The following GMNC variants were observed in gnomAD, a reference collection of about 807,000 sequenced individuals.
GMNC encodes the protein geminin coiled-coil domain containing, also known as geminin coiled-coil domain-containing protein 1.
A neutral mutation model predicts 33.6 loss-of-function variants in GMNC; 16 were observed. The ratio of observed to expected loss-of-function variants is 0.48; its 90% confidence interval spans 0.32 to 0.72. The LOEUF (loss-of-function observed/expected upper bound fraction) is 0.72. GMNC is among the 30% of genes least tolerant of loss of function. The pLI, the probability that GMNC is intolerant of heterozygous loss-of-function variation, is 0.03. For synonymous variants in GMNC, 156 were observed against 147.3 expected (o/e 1.06, Z -0.43); for missense variants, 393 against 388.9 (o/e 1.01, Z -0.09).
chr3:190,860,636 T>A (rs1471339667), intron 2 of GMNC, 48 bp downstream of exon 2: 2 of 1,488,034 alleles, frequency 1.3e-6, no homozygotes, highest in Admixed American at 4.2e-5. Context: ...GCCACGGGTA[T>A]GGAAAAGAGC....
chr3:190,860,635 A>G, intron 2 of GMNC, 49 bp downstream of exon 2: 2 of 1,479,690 alleles, frequency 1.4e-6, no homozygotes, highest in South Asian at 1.3e-5. Context: ...AGCCACGGGT[A>G]TGGAAAAGAG....
downstream of GMNC, among the ~76,000 whole-genome samples, chr3:190,849,068 C>A (rs553696104): frequency 6.6e-6 from 1 of 152,298 alleles, no homozygotes; most frequent in South Asian, 2.1e-4. Context: ...TTTTTACTCT[C>A]GTCGTTAACA....
downstream of GMNC, among the ~76,000 whole-genome samples, chr3:190,849,199 T>C (rs1560034435): frequency 6.6e-6 from 1 of 152,180 alleles, no homozygotes; most frequent in South Asian, 2.1e-4. Context: ...GGACTAGTCA[T>C]GGTTCTGAAA....
rs941332813 is a variant in GMNC at position 190,860,784 on chromosome 3, C to G, written c.78G>C (p.Thr26=). 1.9e-6 allele frequency: 3 copies of G among 1,551,326 alleles called. No homozygotes were observed. Among genetic ancestry groups the G allele is most frequent in the Non-Finnish European group, 2.6e-6 (3 of 1,146,838 alleles). ...QSYNCPYSTT[T]SESSVDVSTE... Reference sequence around the variant, plus strand: ...TGGAAACGTCAACACTAGATTCTGACGTTGTAGTGGAATACGGGCAATTAT... The same window carrying G: ...TGGAAACGTCAACACTAGATTCTGAGGTTGTAGTGGAATACGGGCAATTAT... Residue 26 remains threonine (T), a synonymous_variant, in exon 2 of 5, where the codon ACG becomes ACC. Transcript: ENST00000442080.
chr3:190,858,116 C>G, intron 3 of GMNC: 1 of 540,614 alleles, frequency 1.8e-6, no homozygotes. Context: ...CATTGCAAAG[C>G]ATTTGGAGAG....
downstream of GMNC, among the ~76,000 whole-genome samples, chr3:190,849,169 A>G (rs1311524175): frequency 6.6e-6 from 1 of 152,162 alleles, no homozygotes; most frequent in African/African-American, 2.4e-5. Context: ...TGGAGGGAGG[A>G]CAACAGGATT....
At chr3:190,858,875 G>T in intron 3 of GMNC, 53 bp downstream of exon 3, 1 of 1,030,458 alleles carries the variant, frequency 9.7e-7, no homozygotes, top group Non-Finnish European at 1.4e-6. Context: ...ATTAGCAGTG[G>T]GGAATGGACC....
downstream of GMNC, among the ~76,000 whole-genome samples, chr3:190,849,262 A>G (rs545141827): frequency 2.5e-3 from 384 of 152,300 alleles, 5 homozygotes; most frequent in African/African-American, 8.8e-3. Context: ...TAATTCCCCA[A>G]GGAGGCTGAG....
rs34049167 is a variant in GMNC, at chr3:190,856,366, TA to T, written c.385-452del. Among the ~76,000 whole-genome samples, 1,100 of 142,266 alleles carry T rather than the reference TA, an allele frequency of 7.7e-3. 24 individuals are homozygous for T. Among genetic ancestry groups the T allele is most frequent in the Middle Eastern group, 0.041 (11 of 268 alleles). 93.3% of individuals were successfully genotyped at this position (142,266 alleles called of 152,430 possible). Reference sequence around the variant, plus strand: ...ATATTTATTAATATATATTTATAAATATTTAGAAATAGATATATTTATAAAT... The same window carrying T: ...ATATTTATTAATATATATTTATAAATTTTAGAAATAGATATATTTATAAAT... On this transcript the variant is annotated intron_variant, in intron 4 of 4. Transcript: ENST00000442080.
At chr3:190,844,520 G>T in the GMNC span, among the ~76,000 whole-genome samples, 1 of 148,498 alleles carries the variant, frequency 6.7e-6, no homozygotes, top group Non-Finnish European at 1.5e-5. Flanking sequence ...AGAATACAAT[G>T]TTATCAAGGA....
At position 190,861,464 on chromosome 3, in the gene GMNC, A is replaced by ATCTATCTC. The variant is rs954096337; in HGVS notation, c.4-607_4-606insGAGATAGA. Among the ~76,000 whole-genome samples, 1 of 124,084 alleles carries ATCTATCTC rather than the reference A, an allele frequency of 8.1e-6. No homozygotes were observed. The highest frequency in any genetic ancestry group is 1.7e-5 in the Non-Finnish European group (1 of 57,480). 81.4% of individuals were successfully genotyped at this position (124,084 alleles called of 152,430 possible). ...CTGTCTGTCTGCCTATCATCTATCT[A>ATCTATCTC]TCTATCTATCTATCTATCTATCTAT... On this transcript the variant is annotated intron_variant, in intron 1 of 4. Coordinates refer to ENST00000442080, the MANE Select transcript of GMNC (RefSeq NM_001146686.3). The surrounding 1 kb of genome is among the most constrained non-coding windows in gnomAD (Gnocchi z 5.1).
chr3:190,858,098 T>C (rs1215374440), intron 3 of GMNC, 199 bp from the exon 4 acceptor site: 4 of 562,002 alleles, frequency 7.1e-6, no homozygotes, highest in Non-Finnish European at 1.3e-5. Flanking sequence ...GTGCTCTGAA[T>C]GTTCATTCAT....
At chr3:190,856,903 A>G (rs896954045) in intron 4 of GMNC, among the ~76,000 whole-genome samples, 1 of 151,774 alleles carries the variant, frequency 6.6e-6, no homozygotes, top group Admixed American at 6.6e-5. Context: ...GAGCCCAGGA[A>G]AATAGCCTGG....
At chr3:190,855,964 T>C (rs1392632464) in intron 4 of GMNC, 49 bp from the exon 5 acceptor site, 1 of 1,363,554 alleles carries the variant, frequency 7.3e-7, no homozygotes, top group Non-Finnish European at 9.9e-7. Context: ...TATTTACTAG[T>C]TAACTAAATT....
chr3:190,859,358 A>G (rs1737813981), intron 2 of GMNC, among the ~76,000 whole-genome samples: 1 of 152,128 alleles, frequency 6.6e-6, no homozygotes, highest in Non-Finnish European at 1.5e-5. Context: ...ATCTCCCCCA[A>G]ACTCGGCATA....
chr3:190,861,153 C>T lies in GMNC; in HGVS notation c.4-295G>A, dbSNP rs1330409786. On this transcript the variant is annotated intron_variant, in intron 1 of 4. Coordinates refer to ENST00000442080, the MANE Select transcript of GMNC (RefSeq NM_001146686.3). This position sits in a 1 kb window ranked among gnomAD's most constrained non-coding sequence, Gnocchi z 5.1. Reference sequence around the variant, plus strand: ...ACATATCCAGGAGGATTGTCTGTTGCAACGACCAGCCCATCTAATAGTCTA... The same window carrying T: ...ACATATCCAGGAGGATTGTCTGTTGTAACGACCAGCCCATCTAATAGTCTA... Among the ~76,000 whole-genome samples, 1 of 152,118 alleles carries T rather than the reference C, an allele frequency of 6.6e-6. No individual in the cohort carries two copies. Among genetic ancestry groups the T allele is most frequent in the African/African-American group, 2.4e-5 (1 of 41,440 alleles).
chr3:190,861,950 A>G lies in GMNC; in HGVS notation c.3+663T>C, dbSNP rs944805215. Among the ~76,000 whole-genome samples the G allele has an allele frequency of 2.0e-5, 3 of 152,186 alleles. No homozygotes were observed. Among genetic ancestry groups the G allele is most frequent in the Non-Finnish European group, 2.9e-5 (2 of 68,040 alleles). On this transcript the variant is annotated intron_variant, in intron 1 of 4. Coordinates refer to ENST00000442080, the MANE Select transcript of GMNC (RefSeq NM_001146686.3). The surrounding 1 kb of genome is among the most constrained non-coding windows in gnomAD (Gnocchi z 5.1). Reference sequence around the variant, plus strand: ...ACATTAACATAAACAGAGAGAAAACAAATAAGAAGAAAAAAGAGAAAAAAA... The same window carrying G: ...ACATTAACATAAACAGAGAGAAAACGAATAAGAAGAAAAAAGAGAAAAAAA...
Position 190,855,698 on chromosome 3 carries a change from A to T in GMNC, c.602T>A (p.Ile201Asn). Residue 201 changes from isoleucine to asparagine, a missense_variant, in exon 5 of 5, where the codon ATC (isoleucine) becomes AAC (asparagine). Coordinates refer to ENST00000442080, the MANE Select transcript of GMNC (RefSeq NM_001146686.3). ...GTAGTTAGCTGATGAGGTGTCATCG[A>T]TAGTGTCAAGGTCTTTTAACCCAAG... ...QTLGLKDLDT[I>N]DDTSSANYSA... The T allele has an allele frequency of 6.4e-7, 1 of 1,551,614 alleles. No individual in the cohort carries two copies. The highest frequency in any genetic ancestry group is 8.7e-7 in the Non-Finnish European group (1 of 1,146,920).
chr3:190,855,064 G>A lies in GMNC; in HGVS notation c.*231C>T. ...GGCAAAGAGAGGATGTCAATAGCAG[G>A]TATTGGTGTGTAAACAAGTCAAATT... On this transcript the variant is annotated 3_prime_UTR_variant, in exon 5 of 5. Coordinates refer to ENST00000442080, the MANE Select transcript of GMNC (RefSeq NM_001146686.3). 1 of 535,162 alleles carries A rather than the reference G, an allele frequency of 1.9e-6. No individual in the cohort carries two copies. Among genetic ancestry groups the A allele is most frequent in the Non-Finnish European group, 3.4e-6 (1 of 297,172 alleles). The allele number at this position is 535,162 out of a possible 1,614,324, so 33.2% of individuals were successfully genotyped here.
Sources: gnomAD v4.1 joint callset for allele counts (sites outside exome capture counted in the v4.1 genomes callset) on GRCh38, gnomAD v4.1.1 for gene constraint, Gnocchi (gnomAD v3.1) non-coding constraint, MANE v1.5 for transcripts, NCBI Gene and HGNC (gene_info 2026-07-23, HGNC 2026-07-21) for gene names.